ABCA6: variants seen among roughly 807,000 people sequenced by gnomAD.
ABCA6 encodes the protein ATP binding cassette subfamily A member 6.
A neutral mutation model predicts 191.2 loss-of-function variants in ABCA6; 164 were observed. The ratio of observed to expected loss-of-function variants is 0.86; its 90% confidence interval spans 0.76 to 0.98. ABCA6 has a LOEUF of 0.98. Among genes scored for constraint, ABCA6 ranks in the 50% least tolerant of loss-of-function variants. ABCA6 has a pLI of 0.00. For missense variants in ABCA6, 1,958 were observed against 1,894.1 expected (o/e 1.03, Z -0.63); for synonymous variants, 636 against 647.7 (o/e 0.98, Z 0.27).
chr17:69,141,631 T>G (rs562691702), intron 1 of ABCA6, 114 bp downstream of exon 1: 8 of 152,194 alleles, frequency 5.3e-5, no homozygotes, highest in African/African-American at 1.7e-4. Context: ...AAATTTAGTC[T>G]TAGGTCTTTA....
chr17:69,087,222 G>A, intron 29 of ABCA6, 131 bp downstream of exon 29: 1 of 1,130,058 alleles, frequency 8.8e-7, no homozygotes, highest in Non-Finnish European at 1.2e-6. Context: ...CTTCTTTGGA[G>A]TGTCCTGGAC....
In ABCA6 at chr17:69,137,286, G is replaced by A; in HGVS notation, c.301+10C>T. On this transcript the variant is annotated intron_variant, in intron 3 of 38. Transcript: ENST00000284425. ...ATCAGTAACTCTTTTTTTGCCATGAGTACACCTACCTTTCAAAAGAGGAGC... is the reference window on the plus strand; with the variant it reads ...ATCAGTAACTCTTTTTTTGCCATGAATACACCTACCTTTCAAAAGAGGAGC... 1 of 1,608,842 alleles carries A rather than the reference G, an allele frequency of 6.2e-7. No individual in the cohort carries two copies. Among genetic ancestry groups the A allele is most frequent in the Middle Eastern group, 2.1e-4 (1 of 4,736 alleles).
intron 7 of ABCA6, 46 bp downstream of exon 7, chr17:69,129,564 G>A: frequency 6.7e-7 from 1 of 1,501,200 alleles, no homozygotes; most frequent in Non-Finnish European, 9.1e-7. Flanking sequence ...GCTACATATA[G>A]CTAAGATCTA....
intron 9 of ABCA6, among the ~76,000 whole-genome samples, chr17:69,124,646 AG>A (rs2073714928): frequency 2.0e-5 from 3 of 151,974 alleles, no homozygotes; most frequent in Admixed American, 2.0e-4. Flanking sequence ...CACAATTACA[AG>A]ATGTATTATA....
In ABCA6 at chr17:69,079,218, G is replaced by A. The variant is rs766733204; in HGVS notation, c.4744C>T (p.Leu1582=). The change falls in exon 38 of 39, where the codon CTG becomes TTG. Residue 1582 remains leucine (L), a synonymous_variant. Coordinates refer to ENST00000284425, the MANE Select transcript of ABCA6 (RefSeq NM_080284.3). ...LEEYSLSQCT[L]EKVFLELSKE... is the part of the protein sequence containing the mutation. ...CAAACCACTTGACTTACCTTCTCCA[G>A]TGTGCACTGAGAAAGGCTGTATTCT... The A allele has an allele frequency of 8.7e-6, 14 of 1,609,358 alleles. No homozygotes were observed. The South Asian group carries it at 1.3e-4, about 15-fold the overall frequency.
At chr17:69,112,082 T>C (rs1163095543) in intron 16 of ABCA6, 101 bp downstream of exon 16, 2 of 847,502 alleles carry the variant, frequency 2.4e-6, no homozygotes, top group Non-Finnish European at 4.0e-6. Flanking sequence ...TCCAGTATGG[T>C]AGAGATGAAG....
intron 31 of ABCA6, 81 bp from the exon 32 acceptor site, chr17:69,085,263 G>T: frequency 7.3e-7 from 1 of 1,370,946 alleles, no homozygotes. Context: ...ACATATATAA[G>T]CGTCTAAATT....
chr17:69,121,431 CA>C (rs2073640204), intron 10 of ABCA6, among the ~76,000 whole-genome samples: 2 of 145,998 alleles, frequency 1.4e-5, no homozygotes, highest in Non-Finnish European at 3.1e-5. Flanking sequence ...AGGTGCCCCA[CA>C]ATGGAGCCAA....
rs1369448070 is a variant in ABCA6 at position 69,128,792 on chromosome 17, A to T, written c.946T>A (p.Phe316Ile). 6.3e-7 allele frequency: 1 copy of T among 1,592,070 alleles called. No homozygotes were observed. The highest frequency in any genetic ancestry group is 8.6e-7 in the Non-Finnish European group (1 of 1,169,242). The change falls in exon 8 of 39, where the codon TTC becomes ATC. Residue 316 changes from phenylalanine to isoleucine, a missense_variant. Physicochemically the swap from Phe to Ile is conservative, Grantham distance 21. Transcript: ENST00000284425. Reference sequence around the variant, plus strand: ...TTCTTTAACAGCACACTCATCAGGAACACCAAAGCTACCTGCAAGAGAGAG... The same window carrying T: ...TTCTTTAACAGCACACTCATCAGGATCACCAAAGCTACCTGCAAGAGAGAG... ...LYGLSLVALVFLMSVLLKKAV... is the reference protein window; with the variant it reads ...LYGLSLVALVILMSVLLKKAV...
At chr17:69,131,766 G>T (rs1159962950) in intron 6 of ABCA6, among the ~76,000 whole-genome samples, 2 of 151,992 alleles carry the variant, frequency 1.3e-5, no homozygotes, top group African/African-American at 4.8e-5. Flanking sequence ...TAAGTTTTTA[G>T]GTCACATACA....
intron 20 of ABCA6, among the ~76,000 whole-genome samples, chr17:69,103,376 G>A (rs933958194): frequency 3.3e-5 from 5 of 152,006 alleles, no homozygotes; most frequent in South Asian, 2.1e-4. Flanking sequence ...CCAAATAATG[G>A]ACAAGTAAAT....
Position 69,113,792 on chromosome 17 carries a change from A to G in ABCA6, c.1783-55T>C, listed in dbSNP as rs1031503905. On this transcript the variant is annotated intron_variant, in intron 13 of 38. Transcript: ENST00000284425. ...TCCAAAATGAAGAAGACATTTATGC[A>G]GCCAAAAGACACATGAAAAAATGCT... The G allele has an allele frequency of 2.0e-6, 3 of 1,525,068 alleles. No homozygotes were observed. In the African/African-American group the frequency reaches 4.1e-5, roughly 21 times the overall value. 94.5% of individuals were successfully genotyped at this position (1,525,068 alleles called of 1,614,324 possible).
At chr17:69,092,468 C>G (rs942989532) in intron 25 of ABCA6, among the ~76,000 whole-genome samples, 2 of 152,206 alleles carry the variant, frequency 1.3e-5, no homozygotes, top group African/African-American at 4.8e-5. Flanking sequence ...CCTCTCTTCT[C>G]ATCCACTGGA....
intron 9 of ABCA6, among the ~76,000 whole-genome samples, chr17:69,124,534 A>G (rs2073713077): frequency 6.6e-6 from 1 of 151,960 alleles, no homozygotes; most frequent in Non-Finnish European, 1.5e-5. Flanking sequence ...CCAAACCACC[A>G]TAAGAACTAA....
intron 21 of ABCA6, among the ~76,000 whole-genome samples, chr17:69,101,778 G>C (rs1319126894): frequency 6.6e-6 from 1 of 151,982 alleles, no homozygotes; most frequent in Non-Finnish European, 1.5e-5. Context: ...CTATTAGAAG[G>C]TTTATTGTTT....
At chr17:69,085,522 A>AG (rs1470295244) in intron 31 of ABCA6, 103 bp downstream of exon 31, 93 of 506,494 alleles carry the variant, frequency 1.8e-4, no homozygotes, top group Non-Finnish European at 2.6e-4. Flanking sequence ...CCAAAGGCAA[A>AG]AAAAAAAAAA....
intron 34 of ABCA6, 84 bp downstream of exon 34, chr17:69,084,177 G>A (rs922875156): frequency 1.6e-6 from 2 of 1,278,150 alleles, no homozygotes; most frequent in Non-Finnish European, 1.1e-6. Context: ...TAGTGGGTTT[G>A]AGGGCTGATT....
chr17:69,121,541 A>G (rs542814246), intron 10 of ABCA6, among the ~76,000 whole-genome samples: 5 of 152,046 alleles, frequency 3.3e-5, no homozygotes, highest in Admixed American at 1.3e-4. Context: ...ACCAAGTGAC[A>G]GGTGTACCCA....
At chr17:69,134,888 C>CATTTTTTTTT in intron 4 of ABCA6, 146 bp from the exon 5 acceptor site, 1 of 310,944 alleles carries the variant, frequency 3.2e-6, no homozygotes, top group Admixed American at 6.5e-5. Flanking sequence ...TTGTGGTTGT[C>CATTTTTTTTT]TTTTTTTTTT....
Sources: gnomAD v4.1 joint callset for allele counts (sites outside exome capture counted in the v4.1 genomes callset) on GRCh38, gnomAD v4.1.1 for gene constraint, MANE v1.5 for transcripts, NCBI Gene and HGNC (gene_info 2026-07-23, HGNC 2026-07-21) for gene names.